The following GPA33 variants were observed in gnomAD, a reference collection of about 807,000 sequenced individuals.
GPA33 encodes the protein glycoprotein A33.
A neutral mutation model predicts 35.6 loss-of-function variants in GPA33; 27 were observed. The ratio of observed to expected loss-of-function variants is 0.76; its 90% CI spans 0.56 to 1.04. The LOEUF (loss-of-function observed/expected upper bound fraction) is 1.04, where lower values mean the gene tolerates loss of function less well. Among genes scored for constraint, GPA33 ranks in the 50% least tolerant of loss-of-function variants. The probability of loss-of-function intolerance (pLI) is 0.00; values close to 1 mark genes in which losing one functional copy is unlikely to be tolerated. For missense variants in GPA33, 428 were observed against 411.9 expected, an observed-to-expected ratio of 1.04 and a Z score of -0.34; for synonymous variants, 176 against 164.0, an observed-to-expected ratio of 1.07 and a Z score of -0.56.
chr1:167,078,315 C>G (rs1666864050), intron 1 of GPA33, among the ~76,000 whole-genome samples: 1 of 152,196 alleles, frequency 6.6e-6, no homozygotes. Context: ...ACTAGCTTCA[C>G]ACATACACTT....
At position 167,055,833 on chromosome 1, in the gene GPA33, G is replaced by C. The variant is rs777295128; in HGVS notation, c.588C>G (p.Val196=). The C allele has an allele frequency of 5.5e-5, 89 of 1,613,778 alleles. No individual in the cohort carries two copies. The highest frequency in any genetic ancestry group is 7.3e-5 in the Non-Finnish European group (86 of 1,179,812). ...TGTCTGTGGAGATATTCTTCAGGGA[G>C]ACAGGCTGACCTGAGGCTGCAGGGG... ...PLAQPASGQP[V]SLKNISTDTS... is the part of the protein sequence containing the mutation. Residue 196 remains valine, a synonymous_variant, in exon 5 of 7, where the codon GTC becomes GTG. Coordinates refer to ENST00000367868, the MANE Select transcript of GPA33 (RefSeq NM_005814.3).
chr1:167,080,856 AC>A (rs1308737456), intron 1 of GPA33, among the ~76,000 whole-genome samples: 5 of 152,208 alleles, frequency 3.3e-5, no homozygotes, highest in Admixed American at 1.3e-4. Flanking sequence ...GTGTTTTTTG[AC>A]AGCAAATGAA....
At chr1:167,063,089 C>A (rs1666497702) in intron 4 of GPA33, among the ~76,000 whole-genome samples, 1 of 152,242 alleles carries the variant, frequency 6.6e-6, no homozygotes, top group African/African-American at 2.4e-5. Flanking sequence ...TTACATGAAT[C>A]ATTTTTGTTT....
Position 167,054,399 on chromosome 1 carries a change from C to A in GPA33, c.895G>T (p.Asp299Tyr), listed in dbSNP as rs753711114. 6.2e-7 allele frequency: 1 copy of A among 1,613,988 alleles called. No individual in the cohort carries two copies. The highest frequency in any genetic ancestry group is 2.2e-5 in the East Asian group (1 of 44,884). ...CTCTGCTCTTCTTGCCTGTAGTCAT[C>A]CTCCTCCTCCCTCTCTCTGGAAAGT... ...RELSREREEE[D>Y]DYRQEEQRST... Residue 299 changes from aspartate to tyrosine, a missense_variant, in exon 7 of 7, where the codon GAT (aspartate) becomes TAT (tyrosine). Asp to Tyr is a radical substitution (Grantham distance 160, BLOSUM62 -3). Coordinates refer to ENST00000367868, the MANE Select transcript of GPA33 (RefSeq NM_005814.3).
At chr1:167,080,865 G>A (rs146492689) in intron 1 of GPA33, among the ~76,000 whole-genome samples, 1 of 152,214 alleles carries the variant, frequency 6.6e-6, no homozygotes, top group African/African-American at 2.4e-5. Context: ...GACAGCAAAT[G>A]AATGAATTAT....
chr1:167,068,045 A>G (rs1666637228), intron 3 of GPA33, among the ~76,000 whole-genome samples: 1 of 152,146 alleles, frequency 6.6e-6, no homozygotes, highest in Admixed American at 6.5e-5. Flanking sequence ...ACGTCAGGCA[A>G]CCACCTTATG....
At chr1:167,073,212 T>C (rs1251339643) in intron 2 of GPA33, among the ~76,000 whole-genome samples, 173 bp downstream of exon 2, 1 of 152,138 alleles carries the variant, frequency 6.6e-6, no homozygotes, top group Non-Finnish European at 1.5e-5. Context: ...AAAGGTGACA[T>C]ACTCTGGCCC....
intron 4 of GPA33, 43 bp downstream of exon 4, chr1:167,063,539 G>A (rs373807305): frequency 2.7e-5 from 42 of 1,551,582 alleles, no homozygotes; most frequent in African/African-American, 4.1e-5. Flanking sequence ...TGCATGTGTT[G>A]CACTTTGACG....
intron 1 of GPA33, among the ~76,000 whole-genome samples, chr1:167,089,925 C>T (rs1667121994): frequency 6.6e-6 from 1 of 152,028 alleles, no homozygotes; most frequent in African/African-American, 2.4e-5. Flanking sequence ...TCTAGGACAA[C>T]TCCGATTTCA....
intron 1 of GPA33, among the ~76,000 whole-genome samples, chr1:167,086,790 T>G (rs893815801): frequency 1.3e-5 from 2 of 152,204 alleles, no homozygotes; most frequent in African/African-American, 4.8e-5. Context: ...AAGAAAGCTT[T>G]TACACCTTTC....
At position 167,069,049 on chromosome 1, in the gene GPA33, C is replaced by T; in HGVS notation, c.288G>A (p.Glu96=). ...KNRVSISNNA[E]QSDASITIDQ... ...CAATGGTGATGGAGGCATCGGACTGCTCAGCATTGTTGGATATGCTGACGC... is the reference window on the plus strand; with the variant it reads ...CAATGGTGATGGAGGCATCGGACTGTTCAGCATTGTTGGATATGCTGACGC... Residue 96 remains glutamate (E), a synonymous_variant, in exon 3 of 7, where the codon GAG becomes GAA. Coordinates refer to ENST00000367868, the MANE Select transcript of GPA33 (RefSeq NM_005814.3). 6 of 1,613,552 alleles carry T rather than the reference C, an allele frequency of 3.7e-6. No individual in the cohort carries two copies. The highest frequency in any genetic ancestry group is 5.1e-6 in the Non-Finnish European group (6 of 1,179,446).
intron 6 of GPA33, 62 bp from the exon 7 acceptor site, chr1:167,054,528 G>A: frequency 2.5e-6 from 4 of 1,606,170 alleles, no homozygotes; most frequent in Non-Finnish European, 3.4e-6. Flanking sequence ...CAAGGGAGCT[G>A]GGCCTCATGT....
intron 1 of GPA33, among the ~76,000 whole-genome samples, chr1:167,089,518 G>T (rs1558013743): frequency 1.3e-5 from 2 of 152,182 alleles, no homozygotes; most frequent in South Asian, 2.1e-4. Flanking sequence ...CCAGCAAAAT[G>T]GTTGGTACCT....
intron 4 of GPA33, among the ~76,000 whole-genome samples, 161 bp from the exon 5 acceptor site, chr1:167,056,010 A>T (rs1666240904): frequency 6.6e-6 from 1 of 152,190 alleles, no homozygotes; most frequent in Non-Finnish European, 1.5e-5. Flanking sequence ...CGCTTAAACC[A>T]GGCAGGGCCC....
chr1:167,087,048 G>A (rs936635768), intron 1 of GPA33, among the ~76,000 whole-genome samples: 1 of 152,046 alleles, frequency 6.6e-6, no homozygotes, highest in Non-Finnish European at 1.5e-5. Flanking sequence ...AAGTCTGGTG[G>A]CTGAAAAAAA....
intron 3 of GPA33, among the ~76,000 whole-genome samples, chr1:167,068,670 C>T (rs758887408): frequency 6.6e-6 from 1 of 152,112 alleles, no homozygotes; most frequent in Non-Finnish European, 1.5e-5. Context: ...GAAAGGACAC[C>T]GACAGAGCAA....
chr1:167,067,167 T>A (rs1666615352), intron 3 of GPA33, among the ~76,000 whole-genome samples: 1 of 152,186 alleles, frequency 6.6e-6, no homozygotes, highest in African/African-American at 2.4e-5. Flanking sequence ...GCTCGCTTGC[T>A]CGCTTGTTTG....
At chr1:167,087,413 C>T (rs1483724330) in intron 1 of GPA33, among the ~76,000 whole-genome samples, 2 of 152,242 alleles carry the variant, frequency 1.3e-5, no homozygotes, top group Non-Finnish European at 2.9e-5. Flanking sequence ...GTGAATTTTA[C>T]ACCCCTCCAT....
intron 3 of GPA33, among the ~76,000 whole-genome samples, chr1:167,067,831 A>AT (rs1000868271): frequency 2.0e-4 from 30 of 151,962 alleles, no homozygotes; most frequent in African/African-American, 4.6e-4. Flanking sequence ...ACATGATTCC[A>AT]TTTTTTTTAA....
Sources: gnomAD v4.1 joint callset for allele counts (sites outside exome capture counted in the v4.1 genomes callset) on GRCh38, gnomAD v4.1.1 for gene constraint, MANE v1.5 for transcripts, NCBI Gene and HGNC (gene_info 2026-07-23, HGNC 2026-07-21) for gene names.